VIPR2: variants seen among roughly 807,000 people sequenced by gnomAD.
The protein encoded by VIPR2 is vasoactive intestinal peptide receptor 2, also known as vasoactive intestinal polypeptide receptor 2.
Under a neutral mutation model 58.0 loss-of-function variants are expected in VIPR2, and 48 were observed. The ratio of observed to expected loss-of-function variants is 0.83; its 90% CI spans 0.66 to 1.05. The LOEUF (loss-of-function observed/expected upper bound fraction) is 1.05, where lower values mean the gene tolerates loss of function less well. Among genes scored for constraint, VIPR2 ranks in the 50% least tolerant of loss-of-function variants. The probability of loss-of-function intolerance (pLI) is 0.00; values close to 1 mark genes in which losing one functional copy is unlikely to be tolerated. For missense variants in VIPR2, 534 were observed against 558.0 expected (o/e 0.96, Z 0.43); for synonymous variants, 243 against 235.2 (o/e 1.03, Z -0.30).
chr7:159,043,287 TAA>T (rs1210270435), intron 5 of VIPR2, 111 bp from the exon 6 acceptor site: 29 of 992,490 alleles, frequency 2.9e-5, no homozygotes, highest in South Asian at 5.4e-5. Flanking sequence ...CACAGAAAAA[TAA>T]AAGAGTTGAG....
At chr7:159,067,403 GC>G (rs1856153627) in intron 4 of VIPR2, among the ~76,000 whole-genome samples, 1 of 152,184 alleles carries the variant, frequency 6.6e-6, no homozygotes, top group African/African-American at 2.4e-5. Flanking sequence ...AACTTATAAA[GC>G]ATGATCTATT....
chr7:159,035,509 G>A lies in VIPR2; in HGVS notation c.809+443C>T, dbSNP rs558480590. ...GTGCTCATGTCTGGGCCGTGGTCTC[G>A]CTCAGGGAGAGCATAGTGGAAAAGC... is the stretch of plus-strand genomic sequence containing the variant. On this transcript the variant is annotated intron_variant, in intron 8 of 12. Transcript: ENST00000262178. 5.9e-5 allele frequency among the ~76,000 whole-genome samples: 9 copies of A among 152,330 alleles called. No homozygotes were observed. In the South Asian group the frequency reaches 1.2e-3, roughly 21 times the overall value.
At chr7:159,045,368 G>A (rs566241768) in intron 5 of VIPR2, among the ~76,000 whole-genome samples, 15 of 152,294 alleles carry the variant, frequency 9.8e-5, no homozygotes, top group African/African-American at 3.6e-4. Flanking sequence ...CTACCAAATA[G>A]TGTGGCACTG....
At chr7:159,042,998 A>T in intron 6 of VIPR2, 37 bp downstream of exon 6, 1 of 1,607,662 alleles carries the variant, frequency 6.2e-7, no homozygotes, top group Non-Finnish European at 8.5e-7. Context: ...AGATAAAGGG[A>T]CAAGACAGTG....
intron 10 of VIPR2, among the ~76,000 whole-genome samples, chr7:159,032,694 G>C (rs539108378): frequency 6.6e-6 from 1 of 152,164 alleles, no homozygotes; most frequent in Admixed American, 6.5e-5. Context: ...AAAGGACCTC[G>C]TGTGGCCTCA....
chr7:159,054,444 T>C (rs1311965821), intron 5 of VIPR2, among the ~76,000 whole-genome samples: 8 of 152,152 alleles, frequency 5.3e-5, no homozygotes, highest in African/African-American at 1.9e-4. Flanking sequence ...TCGTATGTAA[T>C]GAAAGGCTCG....
At chr7:159,104,548 G>GACAGCA (rs1858523682) in intron 3 of VIPR2, among the ~76,000 whole-genome samples, 3 of 91,542 alleles carry the variant, frequency 3.3e-5, no homozygotes, top group African/African-American at 1.5e-4. Flanking sequence ...TCCCAGCAAT[G>GACAGCA]CCCTCCCTCC....
At chr7:159,104,885 G>T (rs115160088) in intron 3 of VIPR2, among the ~76,000 whole-genome samples, 1 of 147,192 alleles carries the variant, frequency 6.8e-6, no homozygotes, top group African/African-American at 2.6e-5. Flanking sequence ...TGCCTGGCCT[G>T]CCCCAGTTCC....
At position 159,034,443 on chromosome 7, in the gene VIPR2, C is replaced by T. The variant is rs901372740; in HGVS notation, c.879+138G>A. 20 of 1,261,732 alleles carry T rather than the reference C, an allele frequency of 1.6e-5. No individual in the cohort carries two copies. The African/African-American group carries it at 2.1e-4, about 13-fold the overall frequency. The allele number at this position is 1,261,732 out of a possible 1,614,324, so 78.2% of individuals were successfully genotyped here. A position where few individuals can be genotyped will look rare whatever the true frequency, so the allele number is the denominator to read the frequency against. On this transcript the variant is annotated intron_variant, in intron 9 of 12. Coordinates refer to ENST00000262178, the MANE Select transcript of VIPR2 (RefSeq NM_003382.5). ...GGAACTGCCTCTGGGGGTCCACATG[C>T]CTGAAGAGGTCCTTTTCCGGGAAGG...
In VIPR2 at chr7:159,052,981, G is replaced by A. The variant is rs1003808271; in HGVS notation, c.455+5500C>T. Among the ~76,000 whole-genome samples, 5 of 152,136 alleles carry A rather than the reference G, an allele frequency of 3.3e-5. 1 individual carries two copies. Among genetic ancestry groups the A allele is most frequent in the African/African-American group, 1.2e-4 (5 of 41,434 alleles). Reference sequence around the variant, plus strand: ...GTTCAGAAATAAGAAAATGTTGTTTGCTATCACCACTTCTATTCAACATTG... The same window carrying A: ...GTTCAGAAATAAGAAAATGTTGTTTACTATCACCACTTCTATTCAACATTG... On this transcript the variant is annotated intron_variant, in intron 5 of 12. Transcript: ENST00000262178.
Position 159,096,721 on chromosome 7 carries a change from T to C in VIPR2, c.357+7036A>G, listed in dbSNP as rs1411341952. On this transcript the variant is annotated intron_variant, in intron 4 of 12. Transcript: ENST00000262178. The surrounding 1 kb of genome is among the most constrained non-coding windows in gnomAD (Gnocchi z 5.5). ...GAAAAGTGCTCATAATCCTGTCTGG[T>C]TGTGCCAGGTGACAGCTGAATGATT... 2 of 1,371,594 alleles carry C rather than the reference T, an allele frequency of 1.5e-6. No individual in the cohort carries two copies. Among genetic ancestry groups the C allele is most frequent in the Non-Finnish European group, 1.9e-6 (2 of 1,053,420 alleles). 85.0% of individuals were successfully genotyped at this position (1,371,594 alleles called of 1,614,324 possible).
rs528294871 is a variant in VIPR2, at chr7:159,099,137, A to C, written c.357+4620T>G. On this transcript the variant is annotated intron_variant, in intron 4 of 12. Transcript: ENST00000262178. This position sits in a 1 kb window ranked among gnomAD's most constrained non-coding sequence, Gnocchi z 4.2. ...AGAAACTGCAACAGGAAGAAAAATT[A>C]TTCATTTTGGTTTTGTGCCATCCTT... Among the ~76,000 whole-genome samples the C allele has an allele frequency of 3.3e-5, 5 of 152,380 alleles. No individual in the cohort carries two copies. The highest frequency in any genetic ancestry group is 3.3e-4 in the Admixed American group (5 of 15,312).
chr7:159,032,538 C>G (rs1853660580), intron 10 of VIPR2, among the ~76,000 whole-genome samples: 1 of 152,202 alleles, frequency 6.6e-6, no homozygotes, highest in African/African-American at 2.4e-5. Context: ...TCCGTGGGAG[C>G]CAGGTCCCTC....
chr7:159,102,570 G>GA (rs1858364855), intron 4 of VIPR2, among the ~76,000 whole-genome samples: 2 of 152,236 alleles, frequency 1.3e-5, no homozygotes, highest in South Asian at 4.1e-4. Context: ...ATTTGGCGGA[G>GA]AAAGAACTGG....
At chr7:159,069,379 G>A (rs953295548) in intron 4 of VIPR2, among the ~76,000 whole-genome samples, 4 of 152,136 alleles carry the variant, frequency 2.6e-5, no homozygotes, top group Admixed American at 2.6e-4. Context: ...GGGAACGAAC[G>A]GCTGTAGGCC....
intron 4 of VIPR2, among the ~76,000 whole-genome samples, chr7:159,064,636 G>C (rs1364525155): frequency 6.6e-6 from 1 of 152,142 alleles, no homozygotes; most frequent in East Asian, 1.9e-4. Context: ...GTGGCACAGA[G>C]GCCGGCCAGG....
chr7:159,112,596 G>A (rs779023065), intron 2 of VIPR2, among the ~76,000 whole-genome samples: 5 of 152,214 alleles, frequency 3.3e-5, no homozygotes, highest in Non-Finnish European at 7.3e-5. Flanking sequence ...ACAGGCCATC[G>A]GTACCCCCGG....
At position 159,118,341 on chromosome 7, in the gene VIPR2, G is replaced by A. The variant is rs575863855; in HGVS notation, c.152-8422C>T. ...ATTCCGATTGCCTGGTTGTGATGGA[G>A]TGTGCTGCTGGAGACCATTTTCTGT... is the stretch of plus-strand genomic sequence containing the variant. On this transcript the variant is annotated intron_variant, in intron 2 of 12. Transcript: ENST00000262178. Among the ~76,000 whole-genome samples the A allele has an allele frequency of 2.0e-5, 3 of 152,354 alleles. No individual in the cohort carries two copies. In the South Asian group the frequency reaches 6.2e-4, roughly 32 times the overall value.
At position 159,030,420 on chromosome 7, in the gene VIPR2, G is replaced by A. The variant is rs934862786; in HGVS notation, c.*196C>T. On this transcript the variant is annotated 3_prime_UTR_variant, in exon 13 of 13. Transcript: ENST00000262178. The stretch of plus-strand genomic sequence containing the variant: ...TGCACAAGATTATCTAAATGCTGGA[G>A]TTTAAATCGAGTCAATGACAACACG... 5 of 551,100 alleles carry A rather than the reference G, an allele frequency of 9.1e-6. No homozygotes were observed. The highest frequency in any genetic ancestry group is 3.4e-5 in the South Asian group (1 of 29,436). The allele number at this position is 551,100 out of a possible 1,614,324, so 34.1% of individuals were successfully genotyped here.
Sources: allele counts gnomAD v4.1 joint callset (sites outside exome capture counted in the v4.1 genomes callset), GRCh38; gene constraint gnomAD v4.1.1; non-coding constraint Gnocchi (gnomAD v3.1); transcripts MANE v1.5; gene names NCBI Gene and HGNC (gene_info 2026-07-23, HGNC 2026-07-21).